Variants in SGCD observed in about 807,000 individuals in gnomAD.
The protein encoded by SGCD is sarcoglycan delta.
Under a neutral mutation model 36.6 loss-of-function variants are expected in SGCD, and 18 were observed. The ratio of observed to expected loss-of-function variants is 0.49; its 90% CI spans 0.34 to 0.73. The LOEUF is 0.73. Among genes scored for constraint, SGCD ranks in the 30% least tolerant of loss-of-function variants. The pLI is 0.01. For missense variants in SGCD, 387 were observed against 346.7 expected (o/e 1.12, Z -0.92); for synonymous variants, 133 against 130.6 (o/e 1.02, Z -0.12).
chr5:156,156,199 T>A (rs1209802876), intron 3 of SGCD, among the ~76,000 whole-genome samples: 1 of 151,580 alleles, frequency 6.6e-6, no homozygotes, highest in Non-Finnish European at 1.5e-5. Context: ...TACGAATATG[T>A]GAACCAAGGC....
the SGCD span, among the ~76,000 whole-genome samples, chr5:155,838,181 G>A: frequency 2.2e-4 from 34 of 152,072 alleles, no homozygotes; most frequent in African/African-American, 7.0e-4. Flanking sequence ...CCATAATGTC[G>A]TTCTCCTACT....
chr5:156,733,294 T>TAAGGCAAAAA (rs1756175573), intron 7 of SGCD, among the ~76,000 whole-genome samples: 1 of 152,152 alleles, frequency 6.6e-6, no homozygotes, highest in Non-Finnish European at 1.5e-5. Flanking sequence ...TTGCCTTAAT[T>TAAGGCAAAAA]TCATTATTTA....
At chr5:156,046,699 A>T in intron 1 of SGCD, among the ~76,000 whole-genome samples, 1 of 152,016 alleles carries the variant, frequency 6.6e-6, no homozygotes, top group East Asian at 1.9e-4. Flanking sequence ...ACTGACCAGC[A>T]CTTCCCCTAC....
intron 4 of SGCD, among the ~76,000 whole-genome samples, chr5:156,552,080 C>G (rs906515450): frequency 2.6e-5 from 4 of 152,174 alleles, no homozygotes; most frequent in Non-Finnish European, 5.9e-5. Flanking sequence ...GCATGGACAT[C>G]TGTAAGCAGG....
rs1182737562 is a variant in SGCD at position 156,608,840 on chromosome 5, T to C, written c.502+13789T>C. The stretch of plus-strand genomic sequence containing the variant: ...TTTTGATCTTTGTTGGTTTAAAGTC[T>C]GTTTTATCCGAGACTAGGATTGCAA... On this transcript the variant is annotated intron_variant, in intron 6 of 8. Transcript: ENST00000337851. Among the ~76,000 whole-genome samples, 3 of 152,114 alleles carry C rather than the reference T, an allele frequency of 2.0e-5. No homozygotes were observed. In the East Asian group the frequency reaches 5.8e-4, roughly 29 times the overall value.
intron 7 of SGCD, among the ~76,000 whole-genome samples, chr5:156,729,992 T>G (rs2113803567): frequency 6.6e-6 from 1 of 152,294 alleles, no homozygotes; most frequent in East Asian, 1.9e-4. Context: ...AAGAGGCAAG[T>G]TAAAAATTTT....
intron 4 of SGCD, among the ~76,000 whole-genome samples, chr5:156,526,313 T>C (rs529647425): frequency 2.6e-5 from 4 of 152,276 alleles, no homozygotes; most frequent in South Asian, 4.1e-4. Flanking sequence ...ACAGTCTGAA[T>C]AGGTTCCATT....
At chr5:155,814,149 C>G in the SGCD span, among the ~76,000 whole-genome samples, 18 of 152,334 alleles carry the variant, frequency 1.2e-4, no homozygotes, top group Non-Finnish European at 2.4e-4. Flanking sequence ...TCTGTTGTTT[C>G]TAGGCACATT....
the SGCD span, among the ~76,000 whole-genome samples, chr5:155,834,967 C>A: frequency 7.0e-6 from 1 of 143,366 alleles, no homozygotes; most frequent in African/African-American, 2.6e-5. Context: ...TCCTGAGTAG[C>A]TGGGATTAAA....
intron 7 of SGCD, among the ~76,000 whole-genome samples, chr5:156,733,280 ATTTTTGCCTT>A (rs1756174847): frequency 6.6e-6 from 1 of 151,960 alleles, no homozygotes; most frequent in Non-Finnish European, 1.5e-5. Context: ...GAACTTATTG[ATTTTTGCCTT>A]AATTTCATTA....
chr5:156,431,436 T>C (rs568908628), intron 3 of SGCD, among the ~76,000 whole-genome samples: 7 of 152,174 alleles, frequency 4.6e-5, no homozygotes, highest in African/African-American at 1.7e-4. Flanking sequence ...TTGTCTGCAG[T>C]GGTGTGCCAG....
intron 1 of SGCD, among the ~76,000 whole-genome samples, chr5:156,083,603 T>TC (rs942869663): frequency 1.3e-5 from 2 of 151,866 alleles, no homozygotes; most frequent in East Asian, 3.9e-4. Flanking sequence ...CCCATTTTTT[T>TC]TTTTTTTTCC....
At chr5:155,925,702 A>C (rs993636341) in intron 1 of SGCD, among the ~76,000 whole-genome samples, 1 of 152,108 alleles carries the variant, frequency 6.6e-6, no homozygotes, top group Non-Finnish European at 1.5e-5. Context: ...TGCAGCCTCA[A>C]ACTCCTTGGC....
intron 1 of SGCD, among the ~76,000 whole-genome samples, chr5:156,039,265 G>A (rs953978219): frequency 4.8e-5 from 7 of 144,878 alleles, no homozygotes; most frequent in African/African-American, 2.0e-4. Context: ...ACCTTCTACA[G>A]CATACTATTA....
intron 1 of SGCD, among the ~76,000 whole-genome samples, chr5:155,955,515 C>T (rs958736097): frequency 2.0e-5 from 3 of 152,192 alleles, no homozygotes; most frequent in South Asian, 4.1e-4. Flanking sequence ...TGATTGCAGG[C>T]TATATTGGAG....
intron 3 of SGCD, among the ~76,000 whole-genome samples, chr5:156,501,884 C>T (rs114682903): frequency 0.017 from 2,538 of 152,240 alleles, 64 homozygotes; most frequent in African/African-American, 0.053. Context: ...CACTGGACAG[C>T]GCTCATTCAG....
intron 6 of SGCD, among the ~76,000 whole-genome samples, chr5:156,609,948 A>G (rs1239917529): frequency 1.3e-5 from 2 of 152,048 alleles, no homozygotes; most frequent in Non-Finnish European, 2.9e-5. Context: ...CCATTTGTCT[A>G]ATTTTTTTTC....
intron 1 of SGCD, among the ~76,000 whole-genome samples, chr5:156,004,650 A>G (rs1371652631): frequency 3.3e-5 from 5 of 152,222 alleles, no homozygotes; most frequent in Non-Finnish European, 7.3e-5. Flanking sequence ...GAAAAATAAC[A>G]ACACTTAGAT....
At chr5:156,438,424 T>C (rs76014956) in intron 3 of SGCD, among the ~76,000 whole-genome samples, 3,509 of 152,156 alleles carry the variant, frequency 0.023, 199 homozygotes, top group East Asian at 0.17. Context: ...AATGGGAAGT[T>C]AAGTCAAGAT....
Sources: allele counts gnomAD v4.1 joint callset (sites outside exome capture counted in the v4.1 genomes callset), GRCh38; gene constraint gnomAD v4.1.1; transcripts MANE v1.5; gene names NCBI Gene and HGNC (gene_info 2026-07-23, HGNC 2026-07-21).